PDE7A: variants seen among roughly 807,000 people sequenced by gnomAD.
PDE7A encodes phosphodiesterase 7A, also known as high affinity 3',5'-cyclic-AMP phosphodiesterase 7A.
A neutral mutation model predicts 64.3 loss-of-function variants in PDE7A; 39 were observed. That is an observed-to-expected ratio of 0.61 (90% CI 0.47 to 0.79). PDE7A has a LOEUF of 0.79. Ranked by LOEUF, PDE7A falls within the 30% of genes least tolerant of loss-of-function variation. PDE7A has a pLI of 0.00. For synonymous variants in PDE7A, 203 were observed against 206.8 expected (o/e 0.98, Z 0.16); for missense variants, 470 against 582.8 (o/e 0.81, Z 1.99).
rs115473362 is a variant in PDE7A, at chr8:65,813,904, A to T, written c.138+27467T>A. 1.8e-3 allele frequency among the ~76,000 whole-genome samples: 268 copies of T among 152,328 alleles called. 1 individual carries two copies. Among genetic ancestry groups the T allele is most frequent in the African/African-American group, 6.3e-3 (261 of 41,572 alleles). ...AACTGTCAATAGCTTTGAGTTCTTT[A>T]ATATCACACCCATGAACTTCATAAA... On this transcript the variant is annotated intron_variant, in intron 1 of 12. Coordinates refer to ENST00000401827, the MANE Select transcript of PDE7A (RefSeq NM_001242318.3).
At chr8:65,763,674 C>T (rs1416477541) in intron 3 of PDE7A, among the ~76,000 whole-genome samples, 2 of 152,174 alleles carry the variant, frequency 1.3e-5, no homozygotes, top group Non-Finnish European at 2.9e-5. Flanking sequence ...AACTCAGACG[C>T]TGAACATAGC....
chr8:65,813,588 A>G (rs555945065), intron 1 of PDE7A, among the ~76,000 whole-genome samples: 2 of 152,352 alleles, frequency 1.3e-5, no homozygotes, highest in African/African-American at 4.8e-5. Flanking sequence ...TTTATTTTAT[A>G]TTTGACAAAA....
At chr8:65,727,001 T>G (rs768851001) in intron 8 of PDE7A, 35 bp from the exon 9 acceptor site, 1 of 1,200,524 alleles carries the variant, frequency 8.3e-7, no homozygotes, top group South Asian at 1.2e-5. Flanking sequence ...TACTTAATGA[T>G]ACGTCTCTTT....
chr8:65,821,395 G>A (rs1241166942), intron 1 of PDE7A, among the ~76,000 whole-genome samples: 1 of 135,920 alleles, frequency 7.4e-6, no homozygotes, highest in Non-Finnish European at 1.6e-5. Flanking sequence ...CCTAAACCAA[G>A]ATACAGCCCA....
At chr8:65,825,392 C>A (rs1318670762) in intron 1 of PDE7A, among the ~76,000 whole-genome samples, 1 of 152,074 alleles carries the variant, frequency 6.6e-6, no homozygotes, top group Non-Finnish European at 1.5e-5. Flanking sequence ...TGGATTTATA[C>A]CTCCCACTTA....
At chr8:65,787,624 A>C (rs1460916760) in intron 1 of PDE7A, among the ~76,000 whole-genome samples, 1 of 152,130 alleles carries the variant, frequency 6.6e-6, no homozygotes, top group Non-Finnish European at 1.5e-5. Context: ...TTTGTTTAAA[A>C]ACAATTTAAT....
chr8:65,829,769 A>G (rs1299887172), intron 1 of PDE7A, among the ~76,000 whole-genome samples: 1 of 152,232 alleles, frequency 6.6e-6, no homozygotes, highest in East Asian at 1.9e-4. Flanking sequence ...AAGTATGGAA[A>G]CCCAGAACTA....
chr8:65,741,138 T>C (rs1357227280), intron 5 of PDE7A, among the ~76,000 whole-genome samples: 1 of 152,194 alleles, frequency 6.6e-6, no homozygotes, highest in Non-Finnish European at 1.5e-5. Context: ...TTTGTAAACT[T>C]CCATAGGACA....
At chr8:65,775,147 C>T (rs1346791296) in intron 3 of PDE7A, among the ~76,000 whole-genome samples, 1 of 152,100 alleles carries the variant, frequency 6.6e-6, no homozygotes, top group African/African-American at 2.4e-5. Context: ...GTTTTCCCCT[C>T]TTAGTTTTTG....
chr8:65,758,093 T>G lies in PDE7A; in HGVS notation c.284-10290A>C, dbSNP rs188430783. Among the ~76,000 whole-genome samples, 12 of 152,346 alleles carry G rather than the reference T, an allele frequency of 7.9e-5. No homozygotes were observed. The East Asian group carries it at 2.3e-3, about 29-fold the overall frequency. On this transcript the variant is annotated intron_variant, in intron 3 of 12. Coordinates refer to ENST00000401827, the MANE Select transcript of PDE7A (RefSeq NM_001242318.3). The stretch of plus-strand genomic sequence containing the variant: ...TCTCTGTGCTAGTCCAGATTGCTGG[T>G]TGTAATACTAGTCTAGCAAGTGCCT...
chr8:65,769,138 C>T (rs1234553991), intron 3 of PDE7A, among the ~76,000 whole-genome samples: 1 of 150,672 alleles, frequency 6.6e-6, no homozygotes, highest in Non-Finnish European at 1.5e-5. Flanking sequence ...ATCCCAGCTA[C>T]TTGGGAGGCT....
chr8:65,783,462 T>A (rs145150617), intron 1 of PDE7A, among the ~76,000 whole-genome samples: 107 of 152,338 alleles, frequency 7.0e-4, no homozygotes, highest in African/African-American at 2.5e-3. Flanking sequence ...CCTTTCCAAG[T>A]GCTGTTCCCT....
chr8:65,745,435 A>G lies in PDE7A; in HGVS notation c.471T>C (p.Asp157=). The change falls in exon 5 of 13, where the codon GAT becomes GAC. Residue 157 remains aspartate (D), a synonymous_variant. Coordinates refer to ENST00000401827, the MANE Select transcript of PDE7A (RefSeq NM_001242318.3). The part of the protein sequence containing the change: ...MLEKVGNWNF[D]IFLFDRLTNG... The stretch of plus-strand genomic sequence containing the variant: ...TTGTTAGTCTATCAAATAGAAAGAT[A>G]TCAAAATTCCAATTTCCAACTTTTT... 1 of 1,576,054 alleles carries G rather than the reference A, an allele frequency of 6.3e-7. No homozygotes were observed. The highest frequency in any genetic ancestry group is 8.7e-7 in the Non-Finnish European group (1 of 1,145,460).
chr8:65,811,577 C>T (rs1810261131), intron 1 of PDE7A, among the ~76,000 whole-genome samples: 1 of 152,212 alleles, frequency 6.6e-6, no homozygotes, highest in South Asian at 2.1e-4. Context: ...AAAGGAATAT[C>T]CAGCACAGCA....
chr8:65,774,179 A>C (rs1418220921), intron 3 of PDE7A, among the ~76,000 whole-genome samples: 1 of 152,196 alleles, frequency 6.6e-6, no homozygotes, highest in Non-Finnish European at 1.5e-5. Context: ...TTGCAGAAAA[A>C]CTATGTATTG....
At chr8:65,815,165 T>C (rs1810367137) in intron 1 of PDE7A, among the ~76,000 whole-genome samples, 1 of 152,120 alleles carries the variant, frequency 6.6e-6, no homozygotes, top group Non-Finnish European at 1.5e-5. Context: ...TTCACAGTAA[T>C]GGTGATGTTG....
intron 1 of PDE7A, among the ~76,000 whole-genome samples, chr8:65,819,685 ATTC>A (rs1303757947): frequency 6.6e-6 from 1 of 152,224 alleles, no homozygotes; most frequent in Non-Finnish European, 1.5e-5. Flanking sequence ...AAACTTCTTA[ATTC>A]TTCCCATTGA....
At chr8:65,740,649 C>A (rs1018517366) in intron 5 of PDE7A, among the ~76,000 whole-genome samples, 2 of 152,184 alleles carry the variant, frequency 1.3e-5, no homozygotes, top group African/African-American at 2.4e-5. Context: ...ATCCGCCCGC[C>A]TCGGCCTCCC....
intron 1 of PDE7A, 142 bp downstream of exon 1, chr8:65,841,229 C>A (rs1252506060): frequency 1.6e-5 from 15 of 943,030 alleles, no homozygotes; most frequent in Non-Finnish European, 2.2e-5. Context: ...AAAGAAAAGG[C>A]TCTGCAATCG....
Sources: gnomAD v4.1 joint callset for allele counts (sites outside exome capture counted in the v4.1 genomes callset) on GRCh38, gnomAD v4.1.1 for gene constraint, MANE v1.5 for transcripts, NCBI Gene and HGNC (gene_info 2026-07-23, HGNC 2026-07-21) for gene names.